The following SFXN2 variants were observed in gnomAD, a reference collection of about 807,000 sequenced individuals.
SFXN2 encodes the protein sideroflexin-2.
Under a neutral mutation model 41.9 loss-of-function variants are expected in SFXN2, and 37 were observed. The ratio of observed to expected loss-of-function variants is 0.88; its 90% confidence interval spans 0.68 to 1.16. The LOEUF is 1.16. SFXN2 is among the 50% of genes most tolerant of loss of function. The pLI is 0.00. For synonymous variants in SFXN2, 150 were observed against 156.7 expected (o/e 0.96, Z 0.32); for missense variants, 386 against 425.2 (o/e 0.91, Z 0.81).
intron 11 of SFXN2, among the ~76,000 whole-genome samples, chr10:102,736,751 T>G (rs541807954): frequency 1.3e-5 from 2 of 151,586 alleles, no homozygotes; most frequent in East Asian, 4.0e-4. Flanking sequence ...GGTTTCACCA[T>G]GTTGGCCATG....
chr10:102,716,585 T>G (rs1255706173), intron 1 of SFXN2: 1 of 131,840 alleles, frequency 7.6e-6, no homozygotes, highest in Non-Finnish European at 1.6e-5. Flanking sequence ...TTTTTTTTTT[T>G]GAGATGGAGT....
rs1459332435 is a variant in SFXN2 at position 102,740,857 on chromosome 10, G to C, written c.*3095G>C. The C allele has an allele frequency of 6.6e-6, 1 of 152,192 alleles. No individual in the cohort carries two copies. Among genetic ancestry groups the C allele is most frequent in the Non-Finnish European group, 1.5e-5 (1 of 68,040 alleles). The allele number at this position is 152,192 out of a possible 1,614,324, so 9.4% of individuals were successfully genotyped here. A position where few individuals can be genotyped will look rare whatever the true frequency, so the allele number is the denominator to read the frequency against. ...ATAGGAAAAGGGAAACATTACCAGA[G>C]CCAGTAGAGCTTGGAAACAACTCCT... On this transcript the variant is annotated 3_prime_UTR_variant, in exon 12 of 12. Coordinates refer to ENST00000369893, the MANE Select transcript of SFXN2 (RefSeq NM_178858.6).
intron 6 of SFXN2, among the ~76,000 whole-genome samples, chr10:102,730,338 T>G (rs1464667260): frequency 6.6e-6 from 1 of 152,232 alleles, no homozygotes; most frequent in Non-Finnish European, 1.5e-5. Flanking sequence ...ATCTCTGTTA[T>G]GAGGTTTTAA....
At chr10:102,717,033 C>T (rs770109489) in intron 1 of SFXN2, among the ~76,000 whole-genome samples, 1 of 151,912 alleles carries the variant, frequency 6.6e-6, no homozygotes, top group Non-Finnish European at 1.5e-5. Context: ...TGTGGTGGCC[C>T]AATCCATGTG....
intron 6 of SFXN2, among the ~76,000 whole-genome samples, chr10:102,731,118 T>G (rs1355146811): frequency 6.7e-6 from 1 of 149,748 alleles, no homozygotes; most frequent in Non-Finnish European, 1.5e-5. Context: ...AAAACAAAAA[T>G]TAGCCGGGCA....
chr10:102,729,304 T>C lies in SFXN2; in HGVS notation c.432-15T>C, dbSNP rs746450581. On this transcript the variant is annotated splice_polypyrimidine_tract_variant and intron_variant, in intron 4 of 11. Transcript: ENST00000369893. Reference sequence around the variant, plus strand: ...GGCAGGGGCCCCACTCCCAAGCATCTCTCTCCTCCCCCAGGCAGATGGCCC... The same window carrying C: ...GGCAGGGGCCCCACTCCCAAGCATCCCTCTCCTCCCCCAGGCAGATGGCCC... 1.5e-5 allele frequency: 24 copies of C among 1,613,350 alleles called. No individual in the cohort carries two copies. In the South Asian group the frequency reaches 1.5e-4, roughly 10 times the overall value.
chr10:102,732,987 C>G, intron 9 of SFXN2, 79 bp downstream of exon 9: 1 of 1,405,618 alleles, frequency 7.1e-7, no homozygotes, highest in African/African-American at 1.4e-5. Context: ...CCTGACCTGC[C>G]CTCCCCCACC....
intron 1 of SFXN2, among the ~76,000 whole-genome samples, chr10:102,725,446 G>A (rs2778035): frequency 1 from 152,084 of 152,354 alleles, 75,907 homozygotes; most frequent in East Asian, 1. Context: ...AAAGGGCTGG[G>A]CATGATAGTG....
chr10:102,732,303 T>C (rs879135956), intron 8 of SFXN2, 85 bp downstream of exon 8: 2 of 1,211,338 alleles, frequency 1.7e-6, no homozygotes, highest in Non-Finnish European at 2.4e-6. Flanking sequence ...GGGTGGGAGG[T>C]GGGGCCCACC....
chr10:102,728,901 C>T (rs1280869543), intron 4 of SFXN2, among the ~76,000 whole-genome samples: 1 of 151,754 alleles, frequency 6.6e-6, no homozygotes, highest in Non-Finnish European at 1.5e-5. Flanking sequence ...AGATCAGTCT[C>T]AAAACAAACA....
chr10:102,724,663 T>C (rs965907790), intron 1 of SFXN2, among the ~76,000 whole-genome samples: 7 of 152,040 alleles, frequency 4.6e-5, no homozygotes, highest in Non-Finnish European at 1.0e-4. Flanking sequence ...GATCGTGCCA[T>C]TGTACTCCAG....
intron 1 of SFXN2, among the ~76,000 whole-genome samples, chr10:102,726,252 G>A (rs1000069791): frequency 6.6e-6 from 1 of 152,178 alleles, no homozygotes; most frequent in Non-Finnish European, 1.5e-5. Context: ...CCAGCTGGCT[G>A]TTTTTCAAAA....
chr10:102,723,192 G>A (rs570062835), intron 1 of SFXN2, among the ~76,000 whole-genome samples: 19 of 150,676 alleles, frequency 1.3e-4, no homozygotes, highest in African/African-American at 3.7e-4. Context: ...GTGGTCCACC[G>A]GCCTTGGCCT....
chr10:102,734,160 G>A lies in SFXN2; in HGVS notation c.821+557G>A, dbSNP rs1252352792. Among the ~76,000 whole-genome samples the A allele has an allele frequency of 6.6e-6, 1 of 152,156 alleles. No homozygotes were observed. Among genetic ancestry groups the A allele is most frequent in the Non-Finnish European group, 1.5e-5 (1 of 68,026 alleles). ...GCTGGGATTATAGGCATGAGCCACT[G>A]CGCCTGGCTGTCTGGAGCAGTTTTA... On this transcript the variant is annotated intron_variant, in intron 10 of 11. Coordinates refer to ENST00000369893, the MANE Select transcript of SFXN2 (RefSeq NM_178858.6). This position sits in a 1 kb window ranked among gnomAD's most constrained non-coding sequence, Gnocchi z 4.1.
In SFXN2 at chr10:102,737,939, G is replaced by T; in HGVS notation, c.*177G>T. The T allele has an allele frequency of 2.4e-6, 1 of 421,254 alleles. No individual in the cohort carries two copies. The highest frequency in any genetic ancestry group is 4.3e-6 in the Non-Finnish European group (1 of 233,636). 26.1% of individuals were successfully genotyped at this position (421,254 alleles called of 1,614,324 possible). A position where few individuals can be genotyped will look rare whatever the true frequency, so the allele number is the denominator to read the frequency against. ...CCTGGTACTGGTTGATTGGACCTCAGGGGAAAAAAGTGAAAAAGGGTAGCA... is the reference window on the plus strand; with the variant it reads ...CCTGGTACTGGTTGATTGGACCTCATGGGAAAAAAGTGAAAAAGGGTAGCA... On this transcript the variant is annotated 3_prime_UTR_variant, in exon 12 of 12. Transcript: ENST00000369893.
chr10:102,728,280 C>T (rs937063543), intron 3 of SFXN2, 151 bp from the exon 4 acceptor site: 27 of 580,952 alleles, frequency 4.6e-5, no homozygotes, highest in Non-Finnish European at 8.0e-5. Flanking sequence ...GCCTGGGTGA[C>T]AGAGTGAGAC....
chr10:102,726,624 A>T lies in SFXN2; in HGVS notation c.-13A>T, dbSNP rs369747040. On this transcript the variant is annotated 5_prime_UTR_variant, in exon 2 of 12. The change abolishes an upstream ATG in the 5' untranslated region. Coordinates refer to ENST00000369893, the MANE Select transcript of SFXN2 (RefSeq NM_178858.6). ...CTTTGTCCCTTAGGTCCACAGTTTT[A>T]TGTGTGAGCAAGATGGAGGCTGACC... The T allele has an allele frequency of 1.2e-6, 2 of 1,613,888 alleles. No individual in the cohort carries two copies. Among genetic ancestry groups the T allele is most frequent in the Non-Finnish European group, 1.7e-6 (2 of 1,179,954 alleles).
At chr10:102,736,657 C>T (rs191524875) in intron 11 of SFXN2, among the ~76,000 whole-genome samples, 3 of 151,718 alleles carry the variant, frequency 2.0e-5, no homozygotes, top group Admixed American at 1.3e-4. Context: ...CCTTGTGATC[C>T]GCCCGCCTCA....
At chr10:102,723,368 C>T (rs981931000) in intron 1 of SFXN2, among the ~76,000 whole-genome samples, 2 of 152,004 alleles carry the variant, frequency 1.3e-5, no homozygotes, top group Non-Finnish European at 2.9e-5. Context: ...TCTCCTGCCT[C>T]AGCCTCCCGA....
Sources: gnomAD v4.1 joint callset for allele counts (sites outside exome capture counted in the v4.1 genomes callset) on GRCh38, gnomAD v4.1.1 for gene constraint, Gnocchi (gnomAD v3.1) non-coding constraint, MANE v1.5 for transcripts, NCBI Gene and HGNC (gene_info 2026-07-23, HGNC 2026-07-21) for gene names.